The following FYN variants were observed in gnomAD, a reference collection of about 807,000 sequenced individuals.
FYN encodes tyrosine-protein kinase Fyn.
In FYN, 10 loss-of-function variants were observed where a neutral mutation model predicts 70.2. The ratio of observed to expected loss-of-function variants is 0.14; its 90% CI spans 0.09 to 0.24. FYN has a LOEUF of 0.24. Ranked by LOEUF, FYN falls within the 10% of genes least tolerant of loss-of-function variation. FYN has a pLI of 1.00. For missense variants in FYN, 319 were observed against 673.1 expected (o/e 0.47, Z 5.82); for synonymous variants, 236 against 248.6 (o/e 0.95, Z 0.48).
At chr6:111,779,121 A>ATTTTTT (rs397934539) in intron 3 of FYN, among the ~76,000 whole-genome samples, 64 of 91,504 alleles carry the variant, frequency 7.0e-4, no homozygotes, top group Non-Finnish European at 8.7e-4. Context: ...AGTAGGAGAC[A>ATTTTTT]TTTTTTTTTT....
intron 2 of FYN, among the ~76,000 whole-genome samples, chr6:111,808,776 T>A (rs1166349158): frequency 6.6e-6 from 1 of 152,120 alleles, no homozygotes; most frequent in East Asian, 1.9e-4. Flanking sequence ...CCACACCCAC[T>A]CATGGAAGCA....
rs199592252 is a variant in FYN at position 111,694,536 on chromosome 6, A to G, written c.1120-8T>C. ...AGCCATTCCTGCAGCCACCTGTGGA[A>G]ACCCAGGGAACAGGACATGTTACAC... is the stretch of plus-strand genomic sequence containing the variant. On this transcript the variant is annotated splice_region_variant and splice_polypyrimidine_tract_variant and intron_variant, in intron 11 of 13. Transcript: ENST00000354650. This position sits in a 1 kb window ranked among gnomAD's most constrained non-coding sequence, Gnocchi z 5.0. 5.9e-5 allele frequency: 96 copies of G among 1,614,188 alleles called. No individual in the cohort carries two copies. Among genetic ancestry groups the G allele is most frequent in the Non-Finnish European group, 7.6e-5 (90 of 1,180,028 alleles).
At chr6:111,758,411 T>C (rs940145345) in intron 3 of FYN, among the ~76,000 whole-genome samples, 3 of 152,244 alleles carry the variant, frequency 2.0e-5, no homozygotes, top group Non-Finnish European at 4.4e-5. Flanking sequence ...TGTTTTGTTC[T>C]GTATCTTTAA....
chr6:111,684,630 G>A (rs1002538531), intron 12 of FYN, among the ~76,000 whole-genome samples: 10 of 152,182 alleles, frequency 6.6e-5, no homozygotes, highest in African/African-American at 2.2e-4. Context: ...GAGGAGCCAG[G>A]AAGTGAAGGG....
intron 13 of FYN, among the ~76,000 whole-genome samples, chr6:111,671,177 A>C (rs946206306): frequency 6.6e-6 from 1 of 152,222 alleles, no homozygotes; most frequent in Non-Finnish European, 1.5e-5. Context: ...ATCATATTTC[A>C]GTATTTTTTC....
chr6:111,711,149 G>A (rs1026979991), intron 5 of FYN, among the ~76,000 whole-genome samples: 2 of 152,166 alleles, frequency 1.3e-5, no homozygotes, highest in Admixed American at 6.5e-5. Flanking sequence ...TTGGAGCCAG[G>A]GAGTAGTTAT....
chr6:111,872,789 T>A (rs1774322815), intron 1 of FYN, among the ~76,000 whole-genome samples, 179 bp downstream of exon 1: 1 of 151,524 alleles, frequency 6.6e-6, no homozygotes, highest in Non-Finnish European at 1.5e-5. Flanking sequence ...TGTCCTCCGG[T>A]GCAACCGCGG....
At chr6:111,710,959 C>T (rs896405185) in intron 5 of FYN, among the ~76,000 whole-genome samples, 1 of 152,140 alleles carries the variant, frequency 6.6e-6, no homozygotes, top group Non-Finnish European at 1.5e-5. Context: ...TGATTTAAAG[C>T]CTGGCGCTGG....
intron 13 of FYN, among the ~76,000 whole-genome samples, chr6:111,671,981 G>C (rs1005716583): frequency 1.3e-5 from 2 of 152,164 alleles, no homozygotes; most frequent in African/African-American, 2.4e-5. Flanking sequence ...CTAGGAACAG[G>C]CCTGGGAACA....
intron 3 of FYN, among the ~76,000 whole-genome samples, chr6:111,729,366 C>T (rs774865780): frequency 1.3e-5 from 2 of 151,326 alleles, no homozygotes; most frequent in South Asian, 2.1e-4. Flanking sequence ...CCTAGCTACT[C>T]GAGTGGCTGA....
intron 8 of FYN, 51 bp from the exon 9 acceptor site, chr6:111,700,319 T>A: frequency 6.3e-7 from 1 of 1,586,312 alleles, no homozygotes; most frequent in Non-Finnish European, 8.6e-7. Context: ...AGAACACATG[T>A]AATGACAACA....
chr6:111,838,016 G>A (rs1487312575), intron 2 of FYN, among the ~76,000 whole-genome samples: 1 of 152,034 alleles, frequency 6.6e-6, no homozygotes, highest in Non-Finnish European at 1.5e-5. Context: ...TAGATCTTCC[G>A]AAAAGCCATC....
At chr6:111,813,467 T>C (rs1772389228) in intron 2 of FYN, among the ~76,000 whole-genome samples, 1 of 152,246 alleles carries the variant, frequency 6.6e-6, no homozygotes, top group African/African-American at 2.4e-5. Flanking sequence ...AGAAAGAATG[T>C]AGGTCAAATC....
chr6:111,774,111 A>T (rs1176937527), intron 3 of FYN, among the ~76,000 whole-genome samples: 4 of 152,172 alleles, frequency 2.6e-5, no homozygotes, highest in African/African-American at 9.7e-5. Flanking sequence ...CTGGACACTG[A>T]TAGAGATAGG....
intron 2 of FYN, among the ~76,000 whole-genome samples, chr6:111,783,543 C>T (rs141708635): frequency 8.5e-5 from 13 of 152,296 alleles, no homozygotes; most frequent in East Asian, 7.7e-4. Context: ...AGAGCTGCAA[C>T]GCCTGCATCA....
intron 2 of FYN, among the ~76,000 whole-genome samples, chr6:111,801,113 C>T (rs1280763311): frequency 2.0e-5 from 3 of 152,150 alleles, no homozygotes; most frequent in Non-Finnish European, 4.4e-5. Context: ...GTACATTTAG[C>T]CACTGAGAGT....
intron 13 of FYN, among the ~76,000 whole-genome samples, chr6:111,668,491 C>T (rs1798108634): frequency 6.9e-6 from 1 of 145,938 alleles, no homozygotes; most frequent in Non-Finnish European, 1.5e-5. Context: ...ATAGAGAACT[C>T]CTTTGTCCCA....
chr6:111,665,406 T>A (rs868669861), intron 13 of FYN, among the ~76,000 whole-genome samples: 2 of 152,184 alleles, frequency 1.3e-5, no homozygotes, highest in Non-Finnish European at 2.9e-5. Flanking sequence ...TCTACTTCAT[T>A]TTTTTCTTCT....
intron 13 of FYN, among the ~76,000 whole-genome samples, chr6:111,664,959 C>A (rs1406156057): frequency 6.6e-6 from 1 of 152,216 alleles, no homozygotes; most frequent in Non-Finnish European, 1.5e-5. Flanking sequence ...GGCTGACCTG[C>A]AGACCTGGCA....
Sources: gnomAD v4.1 joint callset for allele counts (sites outside exome capture counted in the v4.1 genomes callset) on GRCh38, gnomAD v4.1.1 for gene constraint, Gnocchi (gnomAD v3.1) non-coding constraint, MANE v1.5 for transcripts, NCBI Gene and HGNC (gene_info 2026-07-23, HGNC 2026-07-21) for gene names.